ELMO1: variants seen among roughly 807,000 people sequenced by gnomAD.
ELMO1 encodes the protein engulfment and cell motility 1, also known as engulfment and cell motility protein 1.
Under a neutral mutation model 98.9 loss-of-function variants are expected in ELMO1, and 26 were observed. The observed-to-expected ratio is 0.26, with a 90% CI of 0.19 to 0.36. The LOEUF (loss-of-function observed/expected upper bound fraction) is 0.36, where lower values mean the gene tolerates loss of function less well. ELMO1 is among the 10% of genes least tolerant of loss of function. The probability of loss-of-function intolerance (pLI) is 1.00; values close to 1 mark genes in which losing one functional copy is unlikely to be tolerated. For synonymous variants in ELMO1, 346 were observed against 346.0 expected, an observed-to-expected ratio of 1.00 and a Z score of 0.00; for missense variants, 627 against 935.2, an observed-to-expected ratio of 0.67 and a Z score of 4.30.
intron 4 of ELMO1, among the ~76,000 whole-genome samples, chr7:37,288,796 G>A (rs1314101012): frequency 1.3e-5 from 2 of 152,186 alleles, no homozygotes; most frequent in Non-Finnish European, 2.9e-5. Flanking sequence ...ACACCCACAT[G>A]TAGTCTTATT....
At chr7:37,263,269 T>C (rs1276714400) in intron 5 of ELMO1, among the ~76,000 whole-genome samples, 2 of 150,350 alleles carry the variant, frequency 1.3e-5, no homozygotes, top group Non-Finnish European at 3.0e-5. Flanking sequence ...ATATATTTTA[T>C]ATATATAAAT....
intron 16 of ELMO1, among the ~76,000 whole-genome samples, chr7:36,943,948 C>A (rs2129097792): frequency 6.6e-6 from 1 of 152,222 alleles, no homozygotes; most frequent in East Asian, 1.9e-4. Flanking sequence ...GCTGGTTTCA[C>A]ATTTAAAAAA....
intron 16 of ELMO1, among the ~76,000 whole-genome samples, chr7:36,935,250 T>C (rs756634593): frequency 1.7e-4 from 26 of 152,208 alleles, no homozygotes; most frequent in African/African-American, 4.8e-4. Context: ...CATCTGCTGC[T>C]GTGTGAGATG....
At position 37,235,457 on chromosome 7, in the gene ELMO1, T is replaced by C. The variant is rs11984141; in HGVS notation, c.450-2263A>G. 9.0e-3 allele frequency among the ~76,000 whole-genome samples: 1,376 copies of C among 152,318 alleles called. 24 individuals carry two copies. The highest frequency in any genetic ancestry group is 0.032 in the African/African-American group (1,323 of 41,568). On this transcript the variant is annotated intron_variant, in intron 7 of 21. Coordinates refer to ENST00000310758, the MANE Select transcript of ELMO1 (RefSeq NM_014800.11). The stretch of plus-strand genomic sequence containing the variant: ...AAAACAAGAACCAAATGATAACTAA[T>C]AGTGGATATTTGGTCATACCCAGCA...
In ELMO1 at chr7:37,342,783, A is replaced by G. The variant is rs903023093; in HGVS notation, c.-73-20T>C. ...CTATACCTAATGAGGAATGACAGAA[A>G]AAGAAAGAGAAGTCACTCAGTGCAG... On this transcript the variant is annotated intron_variant, in intron 1 of 21. Coordinates refer to ENST00000310758, the MANE Select transcript of ELMO1 (RefSeq NM_014800.11). This position sits in a 1 kb window ranked among gnomAD's most constrained non-coding sequence, Gnocchi z 4.3. 5 of 1,167,854 alleles carry G rather than the reference A, an allele frequency of 4.3e-6. No individual in the cohort carries two copies. The highest frequency in any genetic ancestry group is 3.7e-6 in the Non-Finnish European group (3 of 819,394). The allele number at this position is 1,167,854 out of a possible 1,614,324, so 72.3% of individuals were successfully genotyped here. A position where few individuals can be genotyped will look rare whatever the true frequency, so the allele number is the denominator to read the frequency against.
At chr7:37,384,712 T>C (rs1802723996) in intron 1 of ELMO1, among the ~76,000 whole-genome samples, 1 of 147,378 alleles carries the variant, frequency 6.8e-6, no homozygotes, top group Admixed American at 6.7e-5. Flanking sequence ...AGAGCAAGAC[T>C]CCGTCTCAAA....
chr7:37,113,817 T>C (rs1047449386), intron 14 of ELMO1, among the ~76,000 whole-genome samples: 6 of 151,984 alleles, frequency 3.9e-5, no homozygotes, highest in East Asian at 1.9e-4. Flanking sequence ...AGGGTGTGAG[T>C]GCACAGAAGG....
At chr7:37,084,781 G>T (rs1246885524) in intron 15 of ELMO1, among the ~76,000 whole-genome samples, 2 of 149,840 alleles carry the variant, frequency 1.3e-5, no homozygotes, top group South Asian at 2.1e-4. Context: ...TTTTGAGATG[G>T]AATCTCACTC....
intron 15 of ELMO1, among the ~76,000 whole-genome samples, chr7:37,086,801 A>C (rs923062725): frequency 2.3e-5 from 3 of 129,048 alleles, no homozygotes; most frequent in Admixed American, 2.2e-4. Flanking sequence ...AAAAAATATC[A>C]ATTCTCCCTT....
At chr7:36,959,348 T>C (rs188829271) in intron 16 of ELMO1, among the ~76,000 whole-genome samples, 2 of 152,250 alleles carry the variant, frequency 1.3e-5, no homozygotes, top group African/African-American at 4.8e-5. Context: ...AACTCTCCAG[T>C]GGTTCCCTGC....
intron 1 of ELMO1, among the ~76,000 whole-genome samples, chr7:37,359,376 T>C (rs1376292060): frequency 2.0e-5 from 3 of 152,232 alleles, no homozygotes; most frequent in Admixed American, 6.5e-5. Flanking sequence ...AAAATTCCTC[T>C]CTGTGCCTCA....
chr7:37,429,207 G>C (rs1804830092), intron 1 of ELMO1: 1 of 152,172 alleles, frequency 6.6e-6, no homozygotes, highest in Non-Finnish European at 1.5e-5. Flanking sequence ...TCCATTCCGG[G>C]TGCTGCAGAC....
chr7:37,152,673 G>C (rs1788446058), intron 13 of ELMO1, among the ~76,000 whole-genome samples: 1 of 152,194 alleles, frequency 6.6e-6, no homozygotes. Flanking sequence ...GCACCGGAAA[G>C]AAGGGAGGCT....
chr7:37,406,810 C>T (rs1303797788), intron 1 of ELMO1, among the ~76,000 whole-genome samples: 1 of 152,026 alleles, frequency 6.6e-6, no homozygotes, highest in Non-Finnish European at 1.5e-5. Flanking sequence ...TCTCAAAGGT[C>T]CTTCCAAGAT....
At chr7:37,380,652 T>A (rs1802544135) in intron 1 of ELMO1, among the ~76,000 whole-genome samples, 1 of 152,246 alleles carries the variant, frequency 6.6e-6, no homozygotes. Flanking sequence ...CAACACTAAA[T>A]GATCGCTCCT....
chr7:37,187,427 T>A (rs914152768), intron 13 of ELMO1, among the ~76,000 whole-genome samples: 8 of 152,190 alleles, frequency 5.3e-5, no homozygotes, highest in African/African-American at 1.9e-4. Flanking sequence ...CTGTACATTT[T>A]AGATGAGTGA....
chr7:37,185,972 A>C (rs1445737351), intron 13 of ELMO1, among the ~76,000 whole-genome samples: 1 of 152,202 alleles, frequency 6.6e-6, no homozygotes, highest in Non-Finnish European at 1.5e-5. Context: ...GACAATCCTG[A>C]AATTCATGTG....
At chr7:36,905,870 A>G (rs1438449833) in intron 16 of ELMO1, among the ~76,000 whole-genome samples, 1 of 152,262 alleles carries the variant, frequency 6.6e-6, no homozygotes, top group Non-Finnish European at 1.5e-5. Context: ...AAGATTAGTT[A>G]CTACAAAGAA....
intron 5 of ELMO1, among the ~76,000 whole-genome samples, chr7:37,260,993 A>C (rs922301328): frequency 2.0e-5 from 3 of 152,222 alleles, no homozygotes; most frequent in African/African-American, 7.2e-5. Context: ...AAATTCCTTG[A>C]AAAGTGTATT....
Sources: allele counts gnomAD v4.1 joint callset (sites outside exome capture counted in the v4.1 genomes callset), GRCh38; gene constraint gnomAD v4.1.1; non-coding constraint Gnocchi (gnomAD v3.1); transcripts MANE v1.5; gene names NCBI Gene and HGNC (gene_info 2026-07-23, HGNC 2026-07-21).